CFAP299: variants seen among roughly 807,000 people sequenced by gnomAD.
CFAP299 encodes cilia- and flagella-associated protein 299.
A neutral mutation model predicts 27.0 loss-of-function variants in CFAP299; 21 were observed. The ratio of observed to expected loss-of-function variants is 0.78; its 90% CI spans 0.55 to 1.12. The LOEUF (loss-of-function observed/expected upper bound fraction) is 1.12. Ranked by LOEUF, CFAP299 falls within the 50% of genes most tolerant of loss-of-function variation. The pLI is 0.00. For missense variants in CFAP299, 310 were observed against 276.6 expected, an observed-to-expected ratio of 1.12 and a Z score of -0.86; for synonymous variants, 104 against 98.1, an observed-to-expected ratio of 1.06 and a Z score of -0.36.
chr4:80,408,331 A>G (rs1726535246), intron 2 of CFAP299, among the ~76,000 whole-genome samples: 1 of 152,058 alleles, frequency 6.6e-6, no homozygotes. Context: ...GTACTTTCTC[A>G]TTGTGCTCTT....
chr4:80,364,863 T>C (rs1392341546), intron 2 of CFAP299, among the ~76,000 whole-genome samples: 3 of 152,214 alleles, frequency 2.0e-5, no homozygotes, highest in Non-Finnish European at 1.5e-5. Flanking sequence ...CAGTGTTTGG[T>C]TTTCTGCTCC....
Position 80,684,403 on chromosome 4 carries a change from A to G in CFAP299, c.333+101220A>G, listed in dbSNP as rs1205071105. ...CTCAGCCTCCTGAGTAGCCGGGACT[A>G]TAGGCGCCTGCTACCACGCCCGACT... On this transcript the variant is annotated intron_variant, in intron 3 of 5. Transcript: ENST00000358105. 3.9e-5 allele frequency among the ~76,000 whole-genome samples: 6 copies of G among 151,962 alleles called. No individual in the cohort carries two copies. The South Asian group carries it at 8.3e-4, about 21-fold the overall frequency.
At chr4:80,435,963 A>G (rs900413439) in intron 2 of CFAP299, among the ~76,000 whole-genome samples, 2 of 152,202 alleles carry the variant, frequency 1.3e-5, no homozygotes, top group Non-Finnish European at 2.9e-5. Context: ...AAAGAGCTAC[A>G]CATCACCAGA....
intron 3 of CFAP299, among the ~76,000 whole-genome samples, chr4:80,769,327 C>A (rs1375557070): frequency 6.6e-6 from 1 of 152,114 alleles, no homozygotes; most frequent in Non-Finnish European, 1.5e-5. Context: ...GGTGACATGG[C>A]TCGTTGGGTA....
chr4:80,881,340 C>T (rs1453736583), intron 4 of CFAP299, among the ~76,000 whole-genome samples: 1 of 152,184 alleles, frequency 6.6e-6, no homozygotes, highest in African/African-American at 2.4e-5. Context: ...TCAGAGTGCC[C>T]TCCATGGAGC....
chr4:80,883,393 A>G (rs1733812826), intron 4 of CFAP299, among the ~76,000 whole-genome samples: 1 of 152,128 alleles, frequency 6.6e-6, no homozygotes, highest in African/African-American at 2.4e-5. Flanking sequence ...AGAAACTACA[A>G]AATGTTCAGA....
chr4:80,800,530 T>A (rs866931606), intron 3 of CFAP299, among the ~76,000 whole-genome samples: 3 of 13,248 alleles, frequency 2.3e-4, no homozygotes, highest in South Asian at 2.1e-3. Flanking sequence ...ATATAATATA[T>A]TATATAATAT....
chr4:80,468,751 C>T (rs1729836203), intron 2 of CFAP299, among the ~76,000 whole-genome samples: 1 of 148,628 alleles, frequency 6.7e-6, no homozygotes, highest in South Asian at 2.2e-4. Flanking sequence ...AGAAGAATCG[C>T]TTGAACCCAG....
chr4:80,472,653 G>A (rs1264697694), intron 2 of CFAP299, among the ~76,000 whole-genome samples: 1 of 152,096 alleles, frequency 6.6e-6, no homozygotes, highest in East Asian at 1.9e-4. Flanking sequence ...AGTGGCAGCC[G>A]GCTGGACAGG....
intron 3 of CFAP299, among the ~76,000 whole-genome samples, chr4:80,646,824 G>A (rs903428436): frequency 1.3e-5 from 2 of 151,994 alleles, no homozygotes; most frequent in African/African-American, 4.8e-5. Flanking sequence ...ATTTAGTTGT[G>A]CTAATGAGGT....
At chr4:80,794,557 A>G (rs920282195) in intron 3 of CFAP299, among the ~76,000 whole-genome samples, 1 of 152,140 alleles carries the variant, frequency 6.6e-6, no homozygotes, top group African/African-American at 2.4e-5. Context: ...TGTTCTATCA[A>G]TCCAGCTGCT....
At chr4:80,867,362 T>C (rs1363070926) in intron 3 of CFAP299, among the ~76,000 whole-genome samples, 2 of 152,222 alleles carry the variant, frequency 1.3e-5, no homozygotes, top group Non-Finnish European at 2.9e-5. Flanking sequence ...TTGTGTTTCA[T>C]GATATATGAT....
chr4:80,857,790 C>A (rs1732017215), intron 3 of CFAP299, among the ~76,000 whole-genome samples: 1 of 152,158 alleles, frequency 6.6e-6, no homozygotes, highest in African/African-American at 2.4e-5. Flanking sequence ...TTTTGATGTG[C>A]TGCTGGATTT....
intron 3 of CFAP299, among the ~76,000 whole-genome samples, chr4:80,786,669 G>GT (rs1727263785): frequency 6.6e-6 from 1 of 152,024 alleles, no homozygotes; most frequent in Admixed American, 6.6e-5. Flanking sequence ...TTTGACAGCT[G>GT]TTTTTTACTG....
At chr4:80,389,307 A>G (rs1725204423) in intron 2 of CFAP299, among the ~76,000 whole-genome samples, 1 of 151,984 alleles carries the variant, frequency 6.6e-6, no homozygotes, top group Non-Finnish European at 1.5e-5. Context: ...TCACTTTCTA[A>G]TCACCCTACA....
In CFAP299 at chr4:80,891,415, C is replaced by G. The variant is rs1197567425; in HGVS notation, c.476+21280C>G. Among the ~76,000 whole-genome samples the G allele has an allele frequency of 2.0e-5, 3 of 151,370 alleles. No homozygotes were observed. In the East Asian group the frequency reaches 5.8e-4, roughly 29 times the overall value. ...ATTAAGAAAATGTGGCACATATACA[C>G]CATGGAATACTATGCAGCCATAAAA... On this transcript the variant is annotated intron_variant, in intron 4 of 5. Transcript: ENST00000358105.
chr4:80,532,046 C>T (rs1273458460), intron 2 of CFAP299, among the ~76,000 whole-genome samples: 3 of 152,016 alleles, frequency 2.0e-5, no homozygotes, highest in Non-Finnish European at 2.9e-5. Context: ...GTGAGCCACT[C>T]CGCCCGGCCT....
chr4:80,629,146 C>A (rs1739076016), intron 3 of CFAP299, among the ~76,000 whole-genome samples: 1 of 152,090 alleles, frequency 6.6e-6, no homozygotes, highest in Non-Finnish European at 1.5e-5. Context: ...AGAAGGAAAT[C>A]CTGTCATTTG....
chr4:80,388,267 C>T (rs1400006897), intron 2 of CFAP299: 3 of 690,470 alleles, frequency 4.3e-6, no homozygotes, highest in Admixed American at 2.0e-5. Context: ...TGGGCTGGTC[C>T]AGGGATGTGA....
Sources: gnomAD v4.1 joint callset for allele counts (sites outside exome capture counted in the v4.1 genomes callset) on GRCh38, gnomAD v4.1.1 for gene constraint, MANE v1.5 for transcripts, NCBI Gene and HGNC (gene_info 2026-07-23, HGNC 2026-07-21) for gene names.